The following SHISA9 variants were observed in gnomAD, a reference collection of about 807,000 sequenced individuals.
The protein encoded by SHISA9 is shisa family member 9.
A neutral mutation model predicts 38.0 loss-of-function variants in SHISA9; 13 were observed. That is an observed-to-expected ratio of 0.34 (90% CI 0.22 to 0.54). The LOEUF is 0.54. Ranked by LOEUF, SHISA9 falls within the 20% of genes least tolerant of loss-of-function variation. The probability of loss-of-function intolerance (pLI) is 0.91; values close to 1 mark genes in which losing one functional copy is unlikely to be tolerated. For synonymous variants in SHISA9, 275 were observed against 242.0 expected (o/e 1.14, Z -1.27); for missense variants, 538 against 575.8 (o/e 0.93, Z 0.67).
intron 2 of SHISA9, among the ~76,000 whole-genome samples, chr16:13,010,362 A>G (rs1191307049): frequency 6.6e-6 from 1 of 152,200 alleles, no homozygotes; most frequent in East Asian, 1.9e-4. Context: ...CCACCAGACA[A>G]TAGGATATTG....
chr16:13,562,932 T>C, the SHISA9 span: 1 of 152,092 alleles, frequency 6.6e-6, no homozygotes, highest in Non-Finnish European at 1.5e-5. Flanking sequence ...TGTAAACCAA[T>C]GTTTCTTAAA....
chr16:13,019,840 TTCCTTCCCTCCC>T (rs2072810535), intron 2 of SHISA9, among the ~76,000 whole-genome samples: 1 of 66,818 alleles, frequency 1.5e-5, no homozygotes, highest in Non-Finnish European at 2.8e-5. Flanking sequence ...TTCTTTTTCC[TTCCTTCCCTCCC>T]TCCCTCCCTC....
intron 2 of SHISA9, among the ~76,000 whole-genome samples, chr16:13,156,172 A>C (rs1290185701): frequency 6.6e-6 from 1 of 152,188 alleles, no homozygotes; most frequent in Non-Finnish European, 1.5e-5. Flanking sequence ...TAAGCAGCAG[A>C]AAATTGGCAG....
intron 2 of SHISA9, among the ~76,000 whole-genome samples, chr16:13,072,168 A>G (rs561833906): frequency 1.3e-5 from 2 of 152,230 alleles, no homozygotes; most frequent in Non-Finnish European, 2.9e-5. Flanking sequence ...CCATCTCACC[A>G]GTGTCCTCAA....
chr16:13,477,454 C>T, the SHISA9 span, among the ~76,000 whole-genome samples: 1 of 152,170 alleles, frequency 6.6e-6, no homozygotes, highest in Non-Finnish European at 1.5e-5. Flanking sequence ...AGGCTTGAAA[C>T]AACATGGCAA....
At chr16:13,280,983 G>A in the SHISA9 span, among the ~76,000 whole-genome samples, 1 of 151,754 alleles carries the variant, frequency 6.6e-6, no homozygotes, top group Non-Finnish European at 1.5e-5. Flanking sequence ...TGCAGTCTTT[G>A]CCACTACTTT....
chr16:13,330,606 C>T, the SHISA9 span, among the ~76,000 whole-genome samples: 1 of 152,206 alleles, frequency 6.6e-6, no homozygotes. Context: ...ATTTTGCTTT[C>T]CTCACTTACT....
the SHISA9 span, among the ~76,000 whole-genome samples, chr16:13,435,154 T>G: frequency 6.6e-6 from 1 of 152,236 alleles, no homozygotes; most frequent in Non-Finnish European, 1.5e-5. Context: ...TTGTTTTTGA[T>G]TTTTGTAGTA....
At chr16:13,139,432 T>TCCTTC (rs770911466) in intron 2 of SHISA9, among the ~76,000 whole-genome samples, 6 of 134,296 alleles carry the variant, frequency 4.5e-5, no homozygotes, top group South Asian at 2.8e-4. Flanking sequence ...CTTCCTTCCT[T>TCCTTC]CTTCTCTTCC....
chr16:13,306,504 C>T, the SHISA9 span, among the ~76,000 whole-genome samples: 2 of 152,164 alleles, frequency 1.3e-5, no homozygotes, highest in African/African-American at 4.8e-5. Flanking sequence ...TGCAACAAAA[C>T]TTAATGATAG....
intron 1 of SHISA9, among the ~76,000 whole-genome samples, chr16:12,914,011 G>T (rs1015807564): frequency 1.3e-5 from 2 of 150,824 alleles, no homozygotes; most frequent in African/African-American, 4.9e-5. Flanking sequence ...TTGATTTGCA[G>T]CCCTCGTTTA....
chr16:13,491,817 CCTTTT>C, the SHISA9 span, among the ~76,000 whole-genome samples: 1 of 46,892 alleles, frequency 2.1e-5, no homozygotes, highest in Non-Finnish European at 3.9e-5. Flanking sequence ...TATTTATTGA[CCTTTT>C]TTTTTTTTTT....
At chr16:13,203,335 G>A (rs2051024468) in intron 2 of SHISA9, 59 bp from the exon 3 acceptor site, 3 of 1,397,728 alleles carry the variant, frequency 2.1e-6, no homozygotes, top group Admixed American at 3.2e-5. Flanking sequence ...GGTGATGGGA[G>A]GGAAGGTAGA....
intron 2 of SHISA9, among the ~76,000 whole-genome samples, chr16:13,077,828 T>A (rs2073601273): frequency 6.6e-6 from 1 of 152,182 alleles, no homozygotes; most frequent in Non-Finnish European, 1.5e-5. Context: ...CTTAGTCAAT[T>A]TGGATTAATT....
intron 2 of SHISA9, among the ~76,000 whole-genome samples, chr16:13,092,177 G>T (rs1007234928): frequency 4.6e-5 from 7 of 152,208 alleles, no homozygotes; most frequent in Non-Finnish European, 7.3e-5. Context: ...ATTGCTGCCT[G>T]ATCCTTACTC....
At chr16:13,276,702 A>G in the SHISA9 span, among the ~76,000 whole-genome samples, 2 of 151,988 alleles carry the variant, frequency 1.3e-5, no homozygotes, top group Admixed American at 6.6e-5. Context: ...TTTGTTGGCC[A>G]TTTGTATATC....
chr16:13,504,835 T>C, the SHISA9 span, among the ~76,000 whole-genome samples: 2 of 152,110 alleles, frequency 1.3e-5, no homozygotes, highest in Non-Finnish European at 2.9e-5. Context: ...AGAAACTGAG[T>C]CACAGAAAGG....
At chr16:13,247,971 G>A in the SHISA9 span, among the ~76,000 whole-genome samples, 1 of 152,198 alleles carries the variant, frequency 6.6e-6, no homozygotes, top group African/African-American at 2.4e-5. Flanking sequence ...CTGGTAATTT[G>A]AAGCTGTTTT....
chr16:13,378,429 G>A, the SHISA9 span, among the ~76,000 whole-genome samples: 1 of 152,252 alleles, frequency 6.6e-6, no homozygotes, highest in Admixed American at 6.5e-5. Context: ...ATAGTTTCAG[G>A]AAAGTTTCTG....
Sources: gnomAD v4.1 joint callset for allele counts (sites outside exome capture counted in the v4.1 genomes callset) on GRCh38, gnomAD v4.1.1 for gene constraint, MANE v1.5 for transcripts, NCBI Gene and HGNC (gene_info 2026-07-23, HGNC 2026-07-21) for gene names.